The following ATP9A variants were observed in gnomAD, a reference collection of about 807,000 sequenced individuals.
ATP9A encodes the protein ATPase phospholipid transporting 9A.
A neutral mutation model predicts 144.1 loss-of-function variants in ATP9A; 52 were observed. That is an observed-to-expected ratio of 0.36 (90% confidence interval 0.29 to 0.45). The LOEUF (loss-of-function observed/expected upper bound fraction) is 0.45, where lower values mean the gene tolerates loss of function less well. Ranked by LOEUF, ATP9A falls within the 20% of genes least tolerant of loss-of-function variation. The pLI, the probability that ATP9A is intolerant of heterozygous loss-of-function variation, is 1.00. For missense variants in ATP9A, 947 were observed against 1,392.7 expected, an observed-to-expected ratio of 0.68 and a Z score of 5.09; for synonymous variants, 582 against 557.4, an observed-to-expected ratio of 1.04 and a Z score of -0.62.
intron 1 of ATP9A, among the ~76,000 whole-genome samples, chr20:51,745,954 T>A (rs1340752070): frequency 2.0e-5 from 3 of 151,912 alleles, no homozygotes; most frequent in Non-Finnish European, 4.4e-5. Context: ...ACAGACTGGA[T>A]AAAGAAAATG....
At chr20:51,626,595 A>G (rs2077249689) in intron 17 of ATP9A, among the ~76,000 whole-genome samples, 2 of 151,984 alleles carry the variant, frequency 1.3e-5, no homozygotes. Context: ...GGATGGCTTG[A>G]GGCCAGGAGT....
At chr20:51,635,267 A>G (rs2077285987) in intron 15 of ATP9A, among the ~76,000 whole-genome samples, 1 of 151,400 alleles carries the variant, frequency 6.6e-6, no homozygotes, top group Non-Finnish European at 1.5e-5. Flanking sequence ...CCCTCAGTCC[A>G]ACAACCCACC....
intron 26 of ATP9A, 37 bp from the exon 27 acceptor site, chr20:51,605,057 C>G: frequency 2.0e-6 from 3 of 1,523,980 alleles, no homozygotes; most frequent in Non-Finnish European, 2.6e-6. Context: ...CCTCACCCTC[C>G]CTGCGAAAGC....
At chr20:51,716,687 AAAC>A (rs1303767105) in intron 3 of ATP9A, among the ~76,000 whole-genome samples, 2 of 152,066 alleles carry the variant, frequency 1.3e-5, no homozygotes, top group Non-Finnish European at 2.9e-5. Context: ...TAACAATGAA[AAAC>A]ATGTCATTAG....
chr20:51,703,994 T>A (rs979944693), intron 4 of ATP9A, among the ~76,000 whole-genome samples: 1 of 152,112 alleles, frequency 6.6e-6, no homozygotes, highest in Non-Finnish European at 1.5e-5. Flanking sequence ...GAGGTTGACA[T>A]TAAAACGCCT....
chr20:51,723,650 G>C (rs1245212950), intron 3 of ATP9A, among the ~76,000 whole-genome samples: 1 of 144,110 alleles, frequency 6.9e-6, no homozygotes, highest in Non-Finnish European at 1.5e-5. Flanking sequence ...TCCGCCTCCC[G>C]GATTCAAGCG....
intron 3 of ATP9A, among the ~76,000 whole-genome samples, chr20:51,723,649 C>T (rs1205706): frequency 0.22 from 32,776 of 149,722 alleles, 3,850 homozygotes; most frequent in African/African-American, 0.3. Flanking sequence ...CTCCGCCTCC[C>T]GGATTCAAGC....
At chr20:51,643,743 C>A (rs1430266114) in intron 14 of ATP9A, among the ~76,000 whole-genome samples, 1 of 152,198 alleles carries the variant, frequency 6.6e-6, no homozygotes, top group Non-Finnish European at 1.5e-5. Flanking sequence ...GCAGGCCAAA[C>A]AGACTAAGAC....
intron 1 of ATP9A, among the ~76,000 whole-genome samples, chr20:51,737,807 C>T (rs6126333): frequency 0.22 from 32,901 of 151,998 alleles, 4,157 homozygotes; most frequent in East Asian, 0.44. Flanking sequence ...AGGACTCATA[C>T]TACGGGATAC....
chr20:51,652,161 G>A (rs890229701), intron 14 of ATP9A, among the ~76,000 whole-genome samples: 5 of 152,134 alleles, frequency 3.3e-5, no homozygotes, highest in Admixed American at 3.3e-4. Flanking sequence ...CAGGGCTGAG[G>A]CCTGCTCGCT....
At chr20:51,635,388 C>G (rs935721082) in intron 15 of ATP9A, among the ~76,000 whole-genome samples, 1 of 152,146 alleles carries the variant, frequency 6.6e-6, no homozygotes, top group Non-Finnish European at 1.5e-5. Flanking sequence ...GAGGACCCAG[C>G]CAAGCCTGCC....
At chr20:51,635,244 G>T (rs1277235352) in intron 15 of ATP9A, among the ~76,000 whole-genome samples, 3 of 152,332 alleles carry the variant, frequency 2.0e-5, no homozygotes, top group Admixed American at 6.5e-5. Context: ...CAACAGCCAG[G>T]AAAGAACTAA....
At position 51,707,022 on chromosome 20, in the gene ATP9A, G is replaced by C. The variant is rs1346770102; in HGVS notation, c.436+5944C>G. On this transcript the variant is annotated intron_variant, in intron 4 of 27. Coordinates refer to ENST00000338821, the MANE Select transcript of ATP9A (RefSeq NM_006045.3). ...AACTTCGCCTAATTGGGAACAGCAAGCTGCTGTTGGAACCTGGGGTTCTGT... is the reference window on the plus strand; with the variant it reads ...AACTTCGCCTAATTGGGAACAGCAACCTGCTGTTGGAACCTGGGGTTCTGT... Among the ~76,000 whole-genome samples, 4 of 152,168 alleles carry C rather than the reference G, an allele frequency of 2.6e-5. No homozygotes were observed. The South Asian group carries it at 8.3e-4, about 32-fold the overall frequency.
At chr20:51,763,045 A>G (rs1333848592) in intron 1 of ATP9A, among the ~76,000 whole-genome samples, 1 of 151,878 alleles carries the variant, frequency 6.6e-6, no homozygotes, top group Non-Finnish European at 1.5e-5. Flanking sequence ...AATAAAAAGA[A>G]ACTTCAAAAA....
chr20:51,710,294 A>C (rs952000436), intron 4 of ATP9A, among the ~76,000 whole-genome samples: 73 of 145,224 alleles, frequency 5.0e-4, no homozygotes, highest in Admixed American at 9.9e-4. Context: ...CAAGAGCGAA[A>C]CTCCGTCTAA....
rs1471469763 is a variant in ATP9A, at chr20:51,607,646, C to G, written c.2746-62G>C. 6 of 1,341,276 alleles carry G rather than the reference C, an allele frequency of 4.5e-6. No homozygotes were observed. The East Asian group carries it at 1.2e-4, about 26-fold the overall frequency. 83.1% of individuals were successfully genotyped at this position (1,341,276 alleles called of 1,614,324 possible). A position where few individuals can be genotyped will look rare whatever the true frequency, so the allele number is the denominator to read the frequency against. On this transcript the variant is annotated intron_variant, in intron 25 of 27. Coordinates refer to ENST00000338821, the MANE Select transcript of ATP9A (RefSeq NM_006045.3). The stretch of plus-strand genomic sequence containing the variant: ...GCGGGGGGCTCACGCAGCATGCCAT[C>G]AGCTTTCACGTTATTCTCCCGCTAA...
At chr20:51,698,543 G>A (rs548660747) in intron 4 of ATP9A, among the ~76,000 whole-genome samples, 50 of 152,262 alleles carry the variant, frequency 3.3e-4, no homozygotes, top group Admixed American at 2.1e-3. Context: ...TTTACTGAAC[G>A]CCTGCTGTAT....
intron 14 of ATP9A, among the ~76,000 whole-genome samples, chr20:51,644,680 T>C (rs542724469): frequency 6.6e-6 from 1 of 152,294 alleles, no homozygotes; most frequent in Non-Finnish European, 1.5e-5. Flanking sequence ...TACAAATACC[T>C]AGTTATGTAC....
chr20:51,626,205 G>C (rs886644889), intron 17 of ATP9A, among the ~76,000 whole-genome samples: 2 of 152,224 alleles, frequency 1.3e-5, no homozygotes. Context: ...AGAAATTAGG[G>C]AGGCCGGGTG....
Sources: gnomAD v4.1 joint callset for allele counts (sites outside exome capture counted in the v4.1 genomes callset) on GRCh38, gnomAD v4.1.1 for gene constraint, MANE v1.5 for transcripts, NCBI Gene and HGNC (gene_info 2026-07-23, HGNC 2026-07-21) for gene names.